RPS19BP1: variants seen among roughly 807,000 people sequenced by gnomAD.
RPS19BP1 encodes active regulator of SIRT1.
Under a neutral mutation model 16.6 loss-of-function variants are expected in RPS19BP1, and 14 were observed. The ratio of observed to expected loss-of-function variants is 0.84; its 90% CI spans 0.56 to 1.32. The LOEUF (loss-of-function observed/expected upper bound fraction) is 1.32, where lower values mean the gene tolerates loss of function less well. RPS19BP1 is among the 40% of genes most tolerant of loss of function. The pLI is 0.00. For synonymous variants in RPS19BP1, 90 were observed against 77.3 expected, an observed-to-expected ratio of 1.16 and a Z score of -0.86; for missense variants, 188 against 178.6, an observed-to-expected ratio of 1.05 and a Z score of -0.30.
chr22:39,532,616 C>T, intron 1 of RPS19BP1, 71 bp downstream of exon 1: 3 of 1,601,336 alleles, frequency 1.9e-6, no homozygotes, highest in Non-Finnish European at 2.5e-6. Context: ...TGTTTTCCAT[C>T]CAGGGCTCCC....
intron 2 of RPS19BP1, 79 bp from the exon 3 acceptor site, chr22:39,529,996 C>G: frequency 8.6e-7 from 1 of 1,160,508 alleles, no homozygotes; most frequent in Non-Finnish European, 1.3e-6. Context: ...CATGGCCCTG[C>G]CAAAGACCTC....
chr22:39,532,466 CG>C lies in RPS19BP1; in HGVS notation c.109del (p.Arg37GlyfsTer38). 2.5e-6 allele frequency: 4 copies of C among 1,614,238 alleles called. No individual in the cohort carries two copies. Among genetic ancestry groups the C allele is most frequent in the Non-Finnish European group, 3.4e-6 (4 of 1,180,044 alleles). On this transcript the variant is annotated frameshift_variant, in exon 2 of 4. Coordinates refer to ENST00000334678, the MANE Select transcript of RPS19BP1 (RefSeq NM_194326.4). LOFTEE classifies it high-confidence loss of function. ...KPRGAPVKRP[R>X]KTKAIQAQKL... ...CTGGGCCTGAATTGCCTTCGTCTTC[CG>C]GGGCCGTTTCACCGGAGCCCCTCTC...
In RPS19BP1 at chr22:39,529,716, C is replaced by T. The variant is rs7286839; in HGVS notation, c.280-93G>A. 2.3e-3 allele frequency: 3,689 copies of T among 1,596,622 alleles called. 15 individuals carry two copies. Among genetic ancestry groups the T allele is most frequent in the South Asian group, 2.1e-3 (191 of 89,974 alleles). On this transcript the variant is annotated intron_variant, in intron 3 of 3. Coordinates refer to ENST00000334678, the MANE Select transcript of RPS19BP1 (RefSeq NM_194326.4). Reference sequence around the variant, plus strand: ...GAGTTCGGCGCAGGGCAGGGCTGGCCCAGCCTCCCACCCTATGCTCAGGGC... The same window carrying T: ...GAGTTCGGCGCAGGGCAGGGCTGGCTCAGCCTCCCACCCTATGCTCAGGGC...
intron 2 of RPS19BP1, chr22:39,532,083 A>G: frequency 3.0e-6 from 1 of 333,622 alleles, no homozygotes; most frequent in East Asian, 8.8e-5. Context: ...TTCCTCAGAG[A>G]AGGCTGACTT....
chr22:39,532,725 A>T lies in RPS19BP1; in HGVS notation c.14T>A (p.Leu5Gln). 6.5e-7 allele frequency: 1 copy of T among 1,544,214 alleles called. No homozygotes were observed. The highest frequency in any genetic ancestry group is 8.7e-7 in the Non-Finnish European group (1 of 1,147,260). Reference protein sequence around the residue: MSAALLRRGLELLAA... With the variant: MSAAQLRRGLELLAA... The stretch of plus-strand genomic sequence containing the variant: ...CAGCAGCTCCAGGCCCCGCCGCAGC[A>T]GGGCGGCGGACATGGCGGCGCTTGG... Residue 5 changes from leucine (L) to glutamine (Q), a missense_variant, in exon 1 of 4, where the codon CTG (leucine) becomes CAG (glutamine). Coordinates refer to ENST00000334678, the MANE Select transcript of RPS19BP1 (RefSeq NM_194326.4).
chr22:39,530,033 C>A, intron 2 of RPS19BP1, 116 bp from the exon 3 acceptor site: 2 of 787,732 alleles, frequency 2.5e-6, no homozygotes, highest in South Asian at 1.6e-5. Flanking sequence ...GTTATTACAG[C>A]GGCTGGGCTC....
intron 2 of RPS19BP1, 152 bp from the exon 3 acceptor site, chr22:39,530,069 C>G: frequency 1.5e-6 from 1 of 649,512 alleles, no homozygotes; most frequent in South Asian, 1.8e-5. Flanking sequence ...ATTCTCCACA[C>G]AGGTCCTGCT....
chr22:39,529,890 T>C lies in RPS19BP1; in HGVS notation c.209A>G (p.Asp70Gly), dbSNP rs1242720502. The change falls in exon 3 of 4, where the codon GAC (aspartate) becomes GGC (glycine). Residue 70 changes from aspartate (D) to glycine (G), a missense_variant. Asp to Gly is a moderately conservative substitution (Grantham distance 94, BLOSUM62 -1). Transcript: ENST00000334678. ...AAACTTCAGGTTTACTCTGAGGTGG[T>C]CTCGACACTCTCGCTTCCGGTACTC... The part of the protein sequence containing the change: ...LDEYRKRECR[D>G]HLRVNLKFLT... 19 of 1,614,082 alleles carry C rather than the reference T, an allele frequency of 1.2e-5. No individual in the cohort carries two copies. Among genetic ancestry groups the C allele is most frequent in the Non-Finnish European group, 1.5e-5 (18 of 1,180,026 alleles).
chr22:39,529,306 C>A lies in RPS19BP1; in HGVS notation c.*186G>T. 1.3e-6 allele frequency: 1 copy of A among 746,764 alleles called. No homozygotes were observed. The highest frequency in any genetic ancestry group is 2.1e-6 in the Non-Finnish European group (1 of 469,118). The allele number at this position is 746,764 out of a possible 1,614,324, so 46.3% of individuals were successfully genotyped here. On this transcript the variant is annotated 3_prime_UTR_variant, in exon 4 of 4. Transcript: ENST00000334678. ...AGCCAGCTCCGGTCTGTGTGTAAAT[C>A]CTCCCCAGGACTTCCGGCCCACCAG...
At position 39,529,717 on chromosome 22, in the gene RPS19BP1, C is replaced by T. The variant is rs577210527; in HGVS notation, c.280-94G>A. On this transcript the variant is annotated intron_variant, in intron 3 of 3. Coordinates refer to ENST00000334678, the MANE Select transcript of RPS19BP1 (RefSeq NM_194326.4). ...AGTTCGGCGCAGGGCAGGGCTGGCC[C>T]AGCCTCCCACCCTATGCTCAGGGCT... 1.9e-6 allele frequency: 3 copies of T among 1,596,458 alleles called. No individual in the cohort carries two copies. In the East Asian group the frequency reaches 6.7e-5, roughly 36 times the overall value.
At chr22:39,529,776 G>C in intron 3 of RPS19BP1, 44 bp downstream of exon 3, 7 of 1,602,656 alleles carry the variant, frequency 4.4e-6, no homozygotes, top group Non-Finnish European at 6.0e-6. Context: ...GAACAGCCTC[G>C]GCTCTCACCT....
At chr22:39,532,210 C>T in intron 2 of RPS19BP1, 185 bp downstream of exon 2, 4 of 716,114 alleles carry the variant, frequency 5.6e-6, no homozygotes, top group Non-Finnish European at 9.1e-6. Flanking sequence ...GGGCCGTAGT[C>T]CACGAGGACC....
chr22:39,531,372 A>G (rs1296434253), intron 2 of RPS19BP1: 2 of 152,208 alleles, frequency 1.3e-5, no homozygotes, highest in Admixed American at 6.5e-5. Context: ...CTTTTAACAA[A>G]TACTTTAACA....
chr22:39,529,954 A>G, intron 2 of RPS19BP1, 37 bp from the exon 3 acceptor site: 1 of 1,533,500 alleles, frequency 6.5e-7, no homozygotes, highest in Non-Finnish European at 9.0e-7. Flanking sequence ...TTTCAGATTC[A>G]CTCCCCCTGG....
rs1206330692 is a variant in RPS19BP1, at chr22:39,532,500, C to G, written c.76G>C (p.Ala26Pro). The G allele has an allele frequency of 6.2e-7, 1 of 1,614,154 alleles. No individual in the cohort carries two copies. Among genetic ancestry groups the G allele is most frequent in the South Asian group, 1.1e-5 (1 of 91,088 alleles). ...TTCACCGGAGCCCCTCTCGGCTTGGCCTGACCTGGAGGGTCCCGGGGGGCT... is the reference window on the plus strand; with the variant it reads ...TTCACCGGAGCCCCTCTCGGCTTGGGCTGACCTGGAGGGTCCCGGGGGGCT... ...SEAPRDPPGQ[A>P]KPRGAPVKRP... Residue 26 changes from alanine to proline, a missense_variant, in exon 2 of 4, where the codon GCC becomes CCC. Ala to Pro is a conservative substitution (Grantham distance 27). Coordinates refer to ENST00000334678, the MANE Select transcript of RPS19BP1 (RefSeq NM_194326.4).
At chr22:39,530,132 A>G (rs1189952926) in intron 2 of RPS19BP1, 3 of 579,628 alleles carry the variant, frequency 5.2e-6, no homozygotes, top group Non-Finnish European at 9.2e-6. Flanking sequence ...TTATGTCCTG[A>G]ATACTACTCA....
intron 2 of RPS19BP1, chr22:39,531,239 G>C (rs955822225): frequency 6.6e-6 from 1 of 152,230 alleles, no homozygotes; most frequent in Non-Finnish European, 1.5e-5. Flanking sequence ...GGGACAGATG[G>C]GAATGACCTC....
chr22:39,529,697 G>A (rs1828753888), intron 3 of RPS19BP1, 74 bp from the exon 4 acceptor site: 5 of 1,602,016 alleles, frequency 3.1e-6, no homozygotes, highest in South Asian at 2.2e-5. Context: ...AGGGGAGTTC[G>A]GCGCAGGGCA....
chr22:39,532,473 G>A lies in RPS19BP1; in HGVS notation c.103C>T (p.Arg35Trp). 6.2e-7 allele frequency: 1 copy of A among 1,614,224 alleles called. No homozygotes were observed. Among genetic ancestry groups the A allele is most frequent in the Non-Finnish European group, 8.5e-7 (1 of 1,180,036 alleles). Residue 35 changes from arginine (R) to tryptophan (W), a missense_variant, in exon 2 of 4, where the codon CGG becomes TGG. Arg to Trp is a moderately radical substitution (Grantham distance 101, BLOSUM62 -3). Coordinates refer to ENST00000334678, the MANE Select transcript of RPS19BP1 (RefSeq NM_194326.4). ...QAKPRGAPVK[R>W]PRKTKAIQAQ... ...TGAATTGCCTTCGTCTTCCGGGGCC[G>A]TTTCACCGGAGCCCCTCTCGGCTTG... is the stretch of plus-strand genomic sequence containing the variant.
Sources: gnomAD v4.1 joint callset for allele counts on GRCh38, gnomAD v4.1.1 for gene constraint, MANE v1.5 for transcripts, NCBI Gene and HGNC (gene_info 2026-07-23, HGNC 2026-07-21) for gene names.